ATXN8OS: variants seen among roughly 807,000 people sequenced by gnomAD.
The protein encoded by ATXN8OS is ATXN8 opposite strand (non-protein coding).
chr13:70,122,995 C>T (rs923234400), intron 2 of ATXN8OS, among the ~76,000 whole-genome samples: 4 of 151,920 alleles, frequency 2.6e-5, no homozygotes, highest in Non-Finnish European at 4.4e-5. Flanking sequence ...TAATACTTCA[C>T]AAGCTTTTGT....
intron 3 of ATXN8OS, among the ~76,000 whole-genome samples, chr13:70,146,928 TA>T (rs754723988): frequency 2.2e-4 from 34 of 152,200 alleles, no homozygotes; most frequent in East Asian, 2.1e-3. Context: ...AATGAAATTT[TA>T]AAAAAAGTGT....
Position 70,162,186 on chromosome 13 carries a change from G to A in ATXN8OS, n.574-7567G>A, listed in dbSNP as rs1209636843. Among the ~76,000 whole-genome samples, 3 of 151,992 alleles carry A rather than the reference G, an allele frequency of 2.0e-5. No homozygotes were observed. In the South Asian group the frequency reaches 6.2e-4, roughly 31 times the overall value. ...ATACGCTAGCCTGACATTTGAAGAC[G>A]TTGCATTTCTTAGGGTCTTACAGGA... On this transcript the variant is annotated intron_variant and non_coding_transcript_variant, in intron 4 of 4. Coordinates refer to ENST00000678624, the Ensembl canonical transcript of ATXN8OS.
intron 2 of ATXN8OS, among the ~76,000 whole-genome samples, chr13:70,127,045 A>C (rs545740880): frequency 2.0e-5 from 3 of 151,970 alleles, no homozygotes; most frequent in South Asian, 2.1e-4. Context: ...CTGTCACTCT[A>C]TCTCTCTGTC....
intron 4 of ATXN8OS, among the ~76,000 whole-genome samples, chr13:70,153,078 T>A (rs1439754587): frequency 6.7e-6 from 1 of 149,668 alleles, no homozygotes; most frequent in Admixed American, 6.7e-5. Context: ...GGCATACGAA[T>A]GCATAACAGA....
chr13:70,135,663 C>T (rs9599555), intron 3 of ATXN8OS, among the ~76,000 whole-genome samples: 34,137 of 151,764 alleles, frequency 0.22, 4,307 homozygotes, highest in East Asian at 0.53. Context: ...AATAACAGCA[C>T]TTCTTATCTG....
chr13:70,164,489 T>C (rs1889056092), intron 4 of ATXN8OS, among the ~76,000 whole-genome samples: 1 of 152,058 alleles, frequency 6.6e-6, no homozygotes, highest in African/African-American at 2.4e-5. Context: ...AAAATTAGGA[T>C]ATTTCATCTT....
chr13:70,140,928 T>C (rs1888705956), intron 3 of ATXN8OS, among the ~76,000 whole-genome samples: 2 of 152,256 alleles, frequency 1.3e-5, no homozygotes, highest in Admixed American at 6.5e-5. Flanking sequence ...ATGGACATAG[T>C]TGTAGAGGTC....
Position 70,139,377 on chromosome 13 carries a change from A to AG in ATXN8OS, n.500-7978_500-7977insG, listed in dbSNP as rs1888665921. On this transcript the variant is annotated intron_variant and non_coding_transcript_variant, in intron 3 of 4. Coordinates refer to ENST00000678624, the Ensembl canonical transcript of ATXN8OS. ...TACTACTACTACTACTACTACTACT[A>AG]CTACTACTGCTGCTGCTGCTGCTGC... The AG allele has an allele frequency of 4.6e-6, 3 of 646,104 alleles. No individual in the cohort carries two copies. The African/African-American group carries it at 6.7e-5, about 14-fold the overall frequency. 40.0% of individuals were successfully genotyped at this position (646,104 alleles called of 1,614,324 possible).
chr13:70,155,060 G>T (rs542735883), intron 4 of ATXN8OS, among the ~76,000 whole-genome samples: 1 of 152,140 alleles, frequency 6.6e-6, no homozygotes, highest in Non-Finnish European at 1.5e-5. Flanking sequence ...TGTTCCGGGC[G>T]CAGTCTTTTG....
At chr13:70,110,215 T>C (rs139640275) in intron 1 of ATXN8OS, among the ~76,000 whole-genome samples, 2,878 of 152,226 alleles carry the variant, frequency 0.019, 35 homozygotes, top group Middle Eastern at 0.034. Context: ...TTTGTTAGTC[T>C]TGTAGTAACA....
chr13:70,119,971 A>G lies in ATXN8OS; in HGVS notation n.398+4673A>G, dbSNP rs531996587. Among the ~76,000 whole-genome samples the G allele has an allele frequency of 3.3e-5, 5 of 152,268 alleles. No homozygotes were observed. In the South Asian group the frequency reaches 1.0e-3, roughly 32 times the overall value. The stretch of plus-strand genomic sequence containing the variant: ...TGGTCCCAAGCATTTTGGAATATGT[A>G]TATTTAACCTGCAGTTTACATTTAC... On this transcript the variant is annotated intron_variant and non_coding_transcript_variant, in intron 2 of 4. Transcript: ENST00000678624.
chr13:70,149,966 C>T (rs1359812209), intron 4 of ATXN8OS, among the ~76,000 whole-genome samples: 3 of 152,034 alleles, frequency 2.0e-5, no homozygotes, highest in Non-Finnish European at 4.4e-5. Context: ...AATAGTTTTC[C>T]TAATACAGAA....
chr13:70,135,378 T>A (rs531240214), intron 3 of ATXN8OS, among the ~76,000 whole-genome samples: 52 of 152,304 alleles, frequency 3.4e-4, no homozygotes, highest in African/African-American at 1.2e-3. Context: ...ACATGGTTAC[T>A]GTTCTCATTA....
intron 4 of ATXN8OS, among the ~76,000 whole-genome samples, chr13:70,168,834 T>C (rs539854297): frequency 6.6e-6 from 1 of 152,256 alleles, no homozygotes; most frequent in South Asian, 2.1e-4. Context: ...AACCCATGTT[T>C]TGTGAATGTG....
intron 4 of ATXN8OS, among the ~76,000 whole-genome samples, chr13:70,149,660 C>T (rs2137498121): frequency 6.6e-6 from 1 of 152,162 alleles, no homozygotes; most frequent in African/African-American, 2.4e-5. Context: ...TATCATGATC[C>T]ATAACAGATT....
intron 3 of ATXN8OS, among the ~76,000 whole-genome samples, chr13:70,139,833 C>A (rs1004156861): frequency 4.6e-5 from 7 of 152,096 alleles, no homozygotes; most frequent in Non-Finnish European, 8.8e-5. Context: ...CATTTCTATA[C>A]AACTATTCTT....
chr13:70,157,150 A>C (rs1004870012), intron 4 of ATXN8OS, among the ~76,000 whole-genome samples: 2 of 152,158 alleles, frequency 1.3e-5, no homozygotes, highest in African/African-American at 4.8e-5. Context: ...GCTCGTAACA[A>C]CATTATTTTA....
intron 2 of ATXN8OS, among the ~76,000 whole-genome samples, chr13:70,122,750 G>T (rs1320951262): frequency 6.6e-6 from 1 of 151,954 alleles, no homozygotes; most frequent in Non-Finnish European, 1.5e-5. Context: ...ATAAGGAAGG[G>T]TTCAAGGAAA....
chr13:70,163,166 T>G (rs1889030793), intron 4 of ATXN8OS, among the ~76,000 whole-genome samples: 1 of 152,128 alleles, frequency 6.6e-6, no homozygotes. Flanking sequence ...AACTGTTATG[T>G]TTCTAAATAA....
Sources: allele counts gnomAD v4.1 joint callset (sites outside exome capture counted in the v4.1 genomes callset), GRCh38; gene constraint gnomAD v4.1.1; transcripts MANE v1.5; gene names NCBI Gene and HGNC (gene_info 2026-07-23, HGNC 2026-07-21).